The following C2orf80 variants were observed in gnomAD, a reference collection of about 807,000 sequenced individuals.
The protein encoded by C2orf80 is chromosome 2 open reading frame 80, also known as uncharacterized protein C2orf80.
In C2orf80, 28 loss-of-function variants were observed where a neutral mutation model predicts 30.2. The observed-to-expected ratio is 0.93, with a 90% CI of 0.69 to 1.27. The LOEUF (loss-of-function observed/expected upper bound fraction) is 1.27. Ranked by LOEUF, C2orf80 falls within the 50% of genes most tolerant of loss-of-function variation. The pLI is 0.00. For synonymous variants in C2orf80, 80 were observed against 76.4 expected, an observed-to-expected ratio of 1.05 and a Z score of -0.24; for missense variants, 220 against 231.0, an observed-to-expected ratio of 0.95 and a Z score of 0.31.
chr2:208,165,708 A>G lies in C2orf80; in HGVS notation c.*99T>C. The G allele has an allele frequency of 6.4e-7, 1 of 1,557,420 alleles. No individual in the cohort carries two copies. On this transcript the variant is annotated 3_prime_UTR_variant, in exon 9 of 9. Coordinates refer to ENST00000341287, the MANE Select transcript of C2orf80 (RefSeq NM_001099334.3). ...GTGCAGTTGTACCAAAAACAGTTGT[A>G]AAGAAAAATGTACTGGCAAGAGCTG...
At chr2:208,172,200 C>T (rs1696124196) in intron 6 of C2orf80, 125 bp from the exon 7 acceptor site, 10 of 783,024 alleles carry the variant, frequency 1.3e-5, no homozygotes, top group South Asian at 1.2e-4. Context: ...GAGTACTGTC[C>T]AACGGACACA....
At chr2:208,181,557 C>T (rs749465701) in intron 4 of C2orf80, among the ~76,000 whole-genome samples, 1 of 152,108 alleles carries the variant, frequency 6.6e-6, no homozygotes, top group Non-Finnish European at 1.5e-5. Context: ...GCAGACTGGC[C>T]ACTGTGGTGG....
chr2:208,189,801 G>T (rs1696822903), intron 1 of C2orf80, 152 bp downstream of exon 1: 3 of 639,108 alleles, frequency 4.7e-6, no homozygotes, highest in African/African-American at 1.9e-5. Context: ...AGAAGTCAGA[G>T]CCCCCAAATT....
chr2:208,169,778 G>A (rs1160866197), intron 8 of C2orf80, among the ~76,000 whole-genome samples: 4 of 151,532 alleles, frequency 2.6e-5, no homozygotes, highest in Non-Finnish European at 2.9e-5. Context: ...TCTTATTATA[G>A]CAAATATGTT....
At chr2:208,178,051 C>T (rs1696422890) in intron 6 of C2orf80, among the ~76,000 whole-genome samples, 1 of 151,990 alleles carries the variant, frequency 6.6e-6, no homozygotes. Flanking sequence ...CTCCTGACCT[C>T]AGGTGATCCA....
At chr2:208,178,163 AC>A (rs1284047729) in intron 6 of C2orf80, among the ~76,000 whole-genome samples, 1 of 152,070 alleles carries the variant, frequency 6.6e-6, no homozygotes, top group Non-Finnish European at 1.5e-5. Context: ...CTACTCAGAC[AC>A]CCATGTTTGC....
chr2:208,189,485 G>A (rs908303866), intron 1 of C2orf80, among the ~76,000 whole-genome samples: 1 of 152,156 alleles, frequency 6.6e-6, no homozygotes, highest in Non-Finnish European at 1.5e-5. Flanking sequence ...AAATTAATTT[G>A]CCTATGTTTT....
At chr2:208,173,047 A>G (rs1378410873) in intron 6 of C2orf80, among the ~76,000 whole-genome samples, 2 of 147,540 alleles carry the variant, frequency 1.4e-5, no homozygotes, top group Non-Finnish European at 1.5e-5. Context: ...TGAACCCAGG[A>G]GGCAGAGGTT....
intron 1 of C2orf80, among the ~76,000 whole-genome samples, chr2:208,188,477 C>T (rs1377205502): frequency 2.7e-5 from 4 of 149,814 alleles, no homozygotes; most frequent in Non-Finnish European, 5.9e-5. Context: ...GACGGAGTCT[C>T]GGTCTGTCAC....
chr2:208,178,592 C>T (rs1696442330), intron 6 of C2orf80, among the ~76,000 whole-genome samples: 1 of 152,030 alleles, frequency 6.6e-6, no homozygotes, highest in Non-Finnish European at 1.5e-5. Flanking sequence ...ACAAGGTAAG[C>T]TCCAATATAG....
At chr2:208,188,895 G>C (rs141741650) in intron 1 of C2orf80, among the ~76,000 whole-genome samples, 92 of 152,280 alleles carry the variant, frequency 6.0e-4, no homozygotes, top group African/African-American at 2.2e-3. Context: ...TCCCTACAGA[G>C]TCAATGGGGA....
At chr2:208,180,659 G>A (rs1696527098) in intron 6 of C2orf80, 86 bp downstream of exon 6, 2 of 1,023,470 alleles carry the variant, frequency 2.0e-6, no homozygotes, top group Non-Finnish European at 2.9e-6. Flanking sequence ...CATAATTGAT[G>A]TCTGAAAATA....
At chr2:208,185,106 T>C (rs373081943) in intron 2 of C2orf80, 74 bp from the exon 3 acceptor site, 72,282 of 963,938 alleles carry the variant, frequency 0.075, 3,982 homozygotes, top group African/African-American at 0.24. Context: ...CTTTTTTTTT[T>C]CCCATCCCTC....
At chr2:208,180,985 C>T (rs1331548045) in intron 5 of C2orf80, among the ~76,000 whole-genome samples, 169 bp from the exon 6 acceptor site, 1 of 152,028 alleles carries the variant, frequency 6.6e-6, no homozygotes, top group African/African-American at 2.4e-5. Flanking sequence ...TTCCAGATAC[C>T]AATTAGTTGT....
At chr2:208,187,250 T>C (rs1188372577) in intron 1 of C2orf80, among the ~76,000 whole-genome samples, 189 bp from the exon 2 acceptor site, 1 of 152,210 alleles carries the variant, frequency 6.6e-6, no homozygotes, top group Admixed American at 6.5e-5. Flanking sequence ...ACACCTTTTA[T>C]TCCTTCCAAA....
chr2:208,175,569 G>A (rs1214529344), intron 6 of C2orf80, among the ~76,000 whole-genome samples: 4 of 152,110 alleles, frequency 2.6e-5, no homozygotes, highest in Non-Finnish European at 5.9e-5. Context: ...CCCATATTGT[G>A]TCATGCGGCC....
At chr2:208,186,858 A>C in intron 2 of C2orf80, 88 bp downstream of exon 2, 1 of 1,124,666 alleles carries the variant, frequency 8.9e-7, no homozygotes. Context: ...TTAGATTTTT[A>C]CCCACTGCCA....
chr2:208,169,712 CAAAAAA>C (rs9288388), intron 8 of C2orf80, among the ~76,000 whole-genome samples: 1 of 112,444 alleles, frequency 8.9e-6, no homozygotes, highest in Non-Finnish European at 1.9e-5. Flanking sequence ...GACTCTGTCT[CAAAAAA>C]AAAAAAAAAA....
intron 6 of C2orf80, among the ~76,000 whole-genome samples, chr2:208,174,843 C>T (rs1044736909): frequency 6.6e-6 from 1 of 152,206 alleles, no homozygotes; most frequent in Admixed American, 6.5e-5. Context: ...TGACCACCTG[C>T]CTTTGTCTCT....
Sources: gnomAD v4.1 joint callset for allele counts (sites outside exome capture counted in the v4.1 genomes callset) on GRCh38, gnomAD v4.1.1 for gene constraint, MANE v1.5 for transcripts, NCBI Gene and HGNC (gene_info 2026-07-23, HGNC 2026-07-21) for gene names.